TMCO4: variants seen among roughly 807,000 people sequenced by gnomAD.
The protein encoded by TMCO4 is transmembrane and coiled-coil domains 4.
A neutral mutation model predicts 64.7 loss-of-function variants in TMCO4; 58 were observed. That is an observed-to-expected ratio of 0.90 (90% CI 0.73 to 1.12). The LOEUF (loss-of-function observed/expected upper bound fraction) is 1.12. TMCO4 is among the 50% of genes most tolerant of loss of function. TMCO4 has a pLI of 0.00. For synonymous variants in TMCO4, 325 were observed against 346.1 expected, an observed-to-expected ratio of 0.94 and a Z score of 0.68; for missense variants, 780 against 825.9, an observed-to-expected ratio of 0.94 and a Z score of 0.68.
chr1:19,780,587 C>T lies in TMCO4; in HGVS notation c.172G>A (p.Glu58Lys), dbSNP rs141683364. 25 of 1,598,002 alleles carry T rather than the reference C, an allele frequency of 1.6e-5. No individual in the cohort carries two copies. Among genetic ancestry groups the T allele is most frequent in the African/African-American group, 1.2e-4 (9 of 74,078 alleles). The change falls in exon 4 of 16, where the codon GAA becomes AAA. Residue 58 changes from glutamate to lysine, a missense_variant. Transcript: ENST00000294543. ...ISLSQLFPEP[E>K]HSSFCTEFMA... ...CAAGACAGAAGAACTCACCTGTGTT[C>T]GGGTTCAGGAAATAACTGGGACAGG...
At position 19,682,290 on chromosome 1, in the gene TMCO4, A is replaced by G. The variant is rs780487887; in HGVS notation, c.*750T>C. ...TTGTTATCCCCTCTGTTCCTGCTAC[A>G]GGAAATTCTTTCCATGTAAAATTCA... On this transcript the variant is annotated 3_prime_UTR_variant, in exon 16 of 16. Coordinates refer to ENST00000294543, the MANE Select transcript of TMCO4 (RefSeq NM_181719.7). 35 of 265,762 alleles carry G rather than the reference A, an allele frequency of 1.3e-4. No homozygotes were observed. Among genetic ancestry groups the G allele is most frequent in the Non-Finnish European group, 2.3e-4 (31 of 137,114 alleles). The allele number at this position is 265,762 out of a possible 1,614,324, so 16.5% of individuals were successfully genotyped here.
chr1:19,728,208 A>C (rs1020588571), intron 13 of TMCO4, among the ~76,000 whole-genome samples: 2 of 152,140 alleles, frequency 1.3e-5, no homozygotes, highest in African/African-American at 2.4e-5. Flanking sequence ...CCTAAAATAA[A>C]AGGTTTTAAG....
intron 6 of TMCO4, among the ~76,000 whole-genome samples, chr1:19,763,282 C>T (rs931263854): frequency 3.3e-5 from 5 of 152,140 alleles, no homozygotes; most frequent in Admixed American, 2.0e-4. Flanking sequence ...CACCATGTTG[C>T]CCAGGCTGGT....
In TMCO4 at chr1:19,740,874, G is replaced by A. The variant is rs1290872331; in HGVS notation, c.945C>T (p.Ala315=). The A allele has an allele frequency of 6.2e-7, 1 of 1,614,144 alleles. No individual in the cohort carries two copies. Residue 315 remains alanine, a synonymous_variant, in exon 11 of 16, where the codon GCC becomes GCT. Transcript: ENST00000294543. ...SREQYCLAWE[A]KYLMELGNAL... ...CATTGCCGAGCTCCATCAGGTACTT[G>A]GCTTCCCAGGCCAGGCAGTACTGCT...
chr1:19,791,366 T>C (rs1174215375), intron 2 of TMCO4, among the ~76,000 whole-genome samples: 1 of 149,732 alleles, frequency 6.7e-6, no homozygotes, highest in East Asian at 1.9e-4. Context: ...ATAGCAAGGG[T>C]TGGTGGGACA....
At chr1:19,756,735 T>C (rs1406379080) in intron 6 of TMCO4, among the ~76,000 whole-genome samples, 2 of 152,132 alleles carry the variant, frequency 1.3e-5, no homozygotes, top group Non-Finnish European at 2.9e-5. Flanking sequence ...TGCGTGCCTA[T>C]AATCCCAGCT....
At chr1:19,683,981 C>T (rs2100501378) in intron 15 of TMCO4, among the ~76,000 whole-genome samples, 1 of 149,194 alleles carries the variant, frequency 6.7e-6, no homozygotes, top group Admixed American at 6.7e-5. Flanking sequence ...AGGCTGGTCT[C>T]GAACTCCTGG....
Position 19,682,510 on chromosome 1 carries a change from G to C in TMCO4, c.*530C>G. ...GGGCAGATCTGATTGGATCTCCTAA[G>C]AGCAGGAGTGAGCTGCCTTCTTTGT... On this transcript the variant is annotated 3_prime_UTR_variant, in exon 16 of 16. Transcript: ENST00000294543. 1.5e-6 allele frequency: 1 copy of C among 686,060 alleles called. No individual in the cohort carries two copies. Among genetic ancestry groups the C allele is most frequent in the Non-Finnish European group, 2.7e-6 (1 of 369,050 alleles). The allele number at this position is 686,060 out of a possible 1,614,324, so 42.5% of individuals were successfully genotyped here.
At chr1:19,731,179 C>T (rs910102371) in intron 13 of TMCO4, among the ~76,000 whole-genome samples, 2 of 152,028 alleles carry the variant, frequency 1.3e-5, no homozygotes, top group African/African-American at 2.4e-5. Flanking sequence ...GGGTAGGAGG[C>T]GCTGTGGCCA....
chr1:19,799,734 G>T (rs2044510273), intron 1 of TMCO4, 121 bp downstream of exon 1: 1 of 152,262 alleles, frequency 6.6e-6, no homozygotes, highest in African/African-American at 2.4e-5. Context: ...GGAGGGCGGG[G>T]CGCAGGGCAA....
In TMCO4 at chr1:19,732,545, A is replaced by ATT. The variant is rs2095434463; in HGVS notation, c.1264+4826_1264+4827insAA. 6.6e-6 allele frequency among the ~76,000 whole-genome samples: 1 copy of ATT among 152,148 alleles called. No individual in the cohort carries two copies. The highest frequency in any genetic ancestry group is 2.4e-5 in the African/African-American group (1 of 41,430). On this transcript the variant is annotated intron_variant, in intron 13 of 15. Coordinates refer to ENST00000294543, the MANE Select transcript of TMCO4 (RefSeq NM_181719.7). This position sits in a 1 kb window ranked among gnomAD's most constrained non-coding sequence, Gnocchi z 4.8. The stretch of plus-strand genomic sequence containing the variant: ...CTCCTCTCTAGATGATCAATGAGGC[A>ATT]GGGATGGGATGTTATGAAATAAGGA...
chr1:19,773,148 C>T lies in TMCO4; in HGVS notation c.180-1666G>A, dbSNP rs370410699. ...CGGTTGCAGTGAACTGACATCGCAC[C>T]ACTGCACTCCAGCCTGGGTGACAGA... On this transcript the variant is annotated intron_variant, in intron 4 of 15. Coordinates refer to ENST00000294543, the MANE Select transcript of TMCO4 (RefSeq NM_181719.7). 3.9e-5 allele frequency among the ~76,000 whole-genome samples: 6 copies of T among 152,250 alleles called. No homozygotes were observed. In the East Asian group the frequency reaches 5.8e-4, roughly 15 times the overall value.
intron 15 of TMCO4, among the ~76,000 whole-genome samples, chr1:19,688,667 C>G (rs2095168596): frequency 6.6e-6 from 1 of 152,202 alleles, no homozygotes; most frequent in Admixed American, 6.5e-5. Flanking sequence ...CCAGGTTCAT[C>G]CGGCTCTACC....
At chr1:19,746,432 C>A (rs202235983) in intron 9 of TMCO4, 24 bp downstream of exon 9, 8 of 1,612,430 alleles carry the variant, frequency 5.0e-6, no homozygotes, top group Non-Finnish European at 6.8e-6. Context: ...TTCCTCTGAA[C>A]CCATCATTCC....
chr1:19,742,367 TG>T (rs953029884), intron 10 of TMCO4, among the ~76,000 whole-genome samples: 5 of 152,076 alleles, frequency 3.3e-5, no homozygotes, highest in African/African-American at 1.2e-4. Context: ...AAACACCATG[TG>T]GGAATGGAGG....
intron 3 of TMCO4, among the ~76,000 whole-genome samples, chr1:19,781,568 C>T (rs889789431): frequency 2.0e-5 from 3 of 151,670 alleles, no homozygotes; most frequent in African/African-American, 4.8e-5. Context: ...TAACTCTCAC[C>T]TATCAGAATA....
At chr1:19,741,060 C>A in intron 10 of TMCO4, 119 bp from the exon 11 acceptor site, 2 of 1,090,790 alleles carry the variant, frequency 1.8e-6, no homozygotes, top group Non-Finnish European at 2.5e-6. Flanking sequence ...AAGAGGCCCA[C>A]CCCCTGCCAA....
At chr1:19,766,029 C>T (rs1332544017) in intron 6 of TMCO4, among the ~76,000 whole-genome samples, 2 of 147,912 alleles carry the variant, frequency 1.4e-5, no homozygotes, top group African/African-American at 5.0e-5. Context: ...TGCTCTCGCC[C>T]TCCTTCTCTC....
chr1:19,788,384 T>A (rs986480386), intron 2 of TMCO4, among the ~76,000 whole-genome samples: 1 of 152,150 alleles, frequency 6.6e-6, no homozygotes, highest in African/African-American at 2.4e-5. Context: ...TCTAGAAAGT[T>A]ATTTTGTGTA....
Sources: allele counts gnomAD v4.1 joint callset (sites outside exome capture counted in the v4.1 genomes callset), GRCh38; gene constraint gnomAD v4.1.1; non-coding constraint Gnocchi (gnomAD v3.1); transcripts MANE v1.5; gene names NCBI Gene and HGNC (gene_info 2026-07-23, HGNC 2026-07-21).